Variants in CSMD1 observed in about 807,000 individuals in gnomAD.
CSMD1 encodes the protein CUB and sushi domain-containing protein 1.
A neutral mutation model predicts 417.5 loss-of-function variants in CSMD1; 213 were observed. The ratio of observed to expected loss-of-function variants is 0.51; its 90% CI spans 0.46 to 0.57. The LOEUF is 0.57. Among genes scored for constraint, CSMD1 ranks in the 20% least tolerant of loss-of-function variants. The probability of loss-of-function intolerance (pLI) is 0.00; values close to 1 mark genes in which losing one functional copy is unlikely to be tolerated. For synonymous variants in CSMD1, 2,862 were observed against 1,736.8 expected (o/e 1.65, Z -16.11); for missense variants, 6,923 against 4,529.7 (o/e 1.53, Z -15.17).
intron 2 of CSMD1, among the ~76,000 whole-genome samples, chr8:4,499,188 A>G (rs928235521): frequency 3.3e-5 from 5 of 152,210 alleles, no homozygotes; most frequent in Non-Finnish European, 7.3e-5. Context: ...CAAGACAGAA[A>G]ATTGAGGAGC....
intron 3 of CSMD1, among the ~76,000 whole-genome samples, chr8:4,353,199 C>T (rs1801199333): frequency 6.6e-6 from 1 of 152,132 alleles, no homozygotes; most frequent in Non-Finnish European, 1.5e-5. Context: ...AAGTGTGGAG[C>T]CAGGTGGAGA....
intron 26 of CSMD1, among the ~76,000 whole-genome samples, chr8:3,279,618 A>G (rs1197171234): frequency 6.6e-6 from 1 of 152,152 alleles, no homozygotes; most frequent in Non-Finnish European, 1.5e-5. Context: ...TCATGCAGCT[A>G]ATAAAAACAT....
chr8:3,834,468 G>A (rs1802561335), intron 5 of CSMD1, among the ~76,000 whole-genome samples: 1 of 152,180 alleles, frequency 6.6e-6, no homozygotes, highest in Non-Finnish European at 1.5e-5. Context: ...AGTGCTCCAT[G>A]TGTGTTGTTC....
intron 1 of CSMD1, among the ~76,000 whole-genome samples, chr8:4,943,475 G>A (rs1184690270): frequency 3.4e-5 from 5 of 148,886 alleles, no homozygotes; most frequent in South Asian, 2.2e-4. Flanking sequence ...CAGCTTGGGG[G>A]ACAGAGTGAG....
chr8:4,702,806 G>C (rs1300977132), intron 1 of CSMD1, among the ~76,000 whole-genome samples: 5 of 152,082 alleles, frequency 3.3e-5, no homozygotes, highest in African/African-American at 1.2e-4. Context: ...AATAATAATA[G>C]CGGGATTCAT....
chr8:3,084,373 A>C (rs1449850888), intron 49 of CSMD1, among the ~76,000 whole-genome samples: 1 of 151,876 alleles, frequency 6.6e-6, no homozygotes, highest in Admixed American at 6.6e-5. Context: ...AATACAAAAA[A>C]TTAGCCGGCT....
At chr8:4,541,332 A>T (rs561741581) in intron 2 of CSMD1, among the ~76,000 whole-genome samples, 1 of 152,294 alleles carries the variant, frequency 6.6e-6, no homozygotes, top group Non-Finnish European at 1.5e-5. Flanking sequence ...CAGCAATTAC[A>T]GTGGGTACTG....
intron 40 of CSMD1, among the ~76,000 whole-genome samples, chr8:3,148,577 C>T (rs926257631): frequency 4.6e-5 from 7 of 152,136 alleles, no homozygotes; most frequent in Non-Finnish European, 1.0e-4. Context: ...GTGGATATTA[C>T]AAGGGAGAAG....
At chr8:4,467,618 C>T (rs1450820630) in intron 2 of CSMD1, among the ~76,000 whole-genome samples, 1 of 152,160 alleles carries the variant, frequency 6.6e-6, no homozygotes, top group African/African-American at 2.4e-5. Flanking sequence ...TATAACAATT[C>T]TTTTCAGTTT....
intron 1 of CSMD1, among the ~76,000 whole-genome samples, chr8:4,908,892 G>A (rs1805480966): frequency 1.3e-5 from 2 of 152,036 alleles, no homozygotes; most frequent in Non-Finnish European, 2.9e-5. Context: ...TCCCTGACTG[G>A]CAATGTCAAC....
chr8:3,800,664 C>T (rs556144986), intron 5 of CSMD1, among the ~76,000 whole-genome samples: 1 of 152,094 alleles, frequency 6.6e-6, no homozygotes, highest in Non-Finnish European at 1.5e-5. Context: ...TCATGAACGG[C>T]TTGGTGATAT....
intron 3 of CSMD1, among the ~76,000 whole-genome samples, chr8:4,237,220 T>C (rs969896164): frequency 6.6e-5 from 10 of 152,180 alleles, no homozygotes; most frequent in Non-Finnish European, 1.2e-4. Flanking sequence ...AATTGTTTAA[T>C]TTTTTCCGAA....
chr8:4,181,481 C>T (rs553124165), intron 3 of CSMD1, among the ~76,000 whole-genome samples: 19 of 151,956 alleles, frequency 1.3e-4, no homozygotes, highest in African/African-American at 4.6e-4. Context: ...CTAACACTAA[C>T]GATAACTGAT....
intron 3 of CSMD1, among the ~76,000 whole-genome samples, chr8:4,351,657 C>T (rs1323881668): frequency 6.6e-6 from 1 of 152,114 alleles, no homozygotes; most frequent in Non-Finnish European, 1.5e-5. Flanking sequence ...GGAAAGGCTT[C>T]CCAGGCAAGA....
At chr8:3,763,808 C>A (rs1798132593) in intron 5 of CSMD1, among the ~76,000 whole-genome samples, 1 of 152,150 alleles carries the variant, frequency 6.6e-6, no homozygotes, top group African/African-American at 2.4e-5. Context: ...ACCCAGGTCC[C>A]TGCATGCACA....
At chr8:3,412,395 G>A (rs1812867289) in intron 12 of CSMD1, among the ~76,000 whole-genome samples, 1 of 152,108 alleles carries the variant, frequency 6.6e-6, no homozygotes, top group Non-Finnish European at 1.5e-5. Flanking sequence ...TGAATTTCCA[G>A]ATGGTTTGAA....
At chr8:3,678,490 A>G (rs1379952776) in intron 7 of CSMD1, among the ~76,000 whole-genome samples, 2 of 152,168 alleles carry the variant, frequency 1.3e-5, no homozygotes, top group Admixed American at 1.3e-4. Flanking sequence ...TTAGAGAAAA[A>G]GGAATAAAAA....
rs1814173678 is a variant in CSMD1 at position 3,984,704 on chromosome 8, C to CATTCATATAT, written c.818+13198_818+13199insATATATGAAT. ...TGGGTTCAGGATTCAGTGTATATATCATATATATATATATATATATATATA... is the reference window on the plus strand; with the variant it reads ...TGGGTTCAGGATTCAGTGTATATATCATTCATATATATATATATATATATATATATATATA... On this transcript the variant is annotated intron_variant, in intron 5 of 69. Coordinates refer to ENST00000635120, the MANE Select transcript of CSMD1 (RefSeq NM_033225.6). 1.2e-4 allele frequency among the ~76,000 whole-genome samples: 10 copies of CATTCATATAT among 82,822 alleles called. 1 individual carries two copies. Among genetic ancestry groups the CATTCATATAT allele is most frequent in the Non-Finnish European group, 1.9e-4 (8 of 41,196 alleles). The allele number at this position is 82,822 out of a possible 152,430, so 54.3% of individuals were successfully genotyped here. A position where few individuals can be genotyped will look rare whatever the true frequency, so the allele number is the denominator to read the frequency against.
chr8:3,339,613 C>G (rs1177790245), intron 23 of CSMD1, among the ~76,000 whole-genome samples: 2 of 152,174 alleles, frequency 1.3e-5, no homozygotes, highest in African/African-American at 2.4e-5. Flanking sequence ...ATAAATTACT[C>G]TCAGAGGGCT....
Sources: allele counts gnomAD v4.1 joint callset (sites outside exome capture counted in the v4.1 genomes callset), GRCh38; gene constraint gnomAD v4.1.1; transcripts MANE v1.5; gene names NCBI Gene and HGNC (gene_info 2026-07-23, HGNC 2026-07-21).